ZNF678: variants seen among roughly 807,000 people sequenced by gnomAD.
ZNF678 encodes the protein zinc finger protein 678.
ZNF678 carries 5 observed loss-of-function variants against 3.0 expected under a neutral mutation model. The observed-to-expected ratio is 1.69, with a 90% CI of 0.88 to 3.56. The LOEUF (loss-of-function observed/expected upper bound fraction) is 3.56, where lower values mean the gene tolerates loss of function less well. Among genes scored for constraint, ZNF678 ranks in the 30% most tolerant of loss-of-function variants. ZNF678 has a pLI of 0.00. For synonymous variants in ZNF678, 218 were observed against 199.6 expected (o/e 1.09, Z -0.78); for missense variants, 593 against 605.0 (o/e 0.98, Z 0.21).
At chr1:227,598,017 G>C (rs550979021) in intron 1 of ZNF678, among the ~76,000 whole-genome samples, 10 of 152,204 alleles carry the variant, frequency 6.6e-5, no homozygotes, top group Admixed American at 1.3e-4. Context: ...CAGAGTAAGG[G>C]TTTTGAAATA....
intron 1 of ZNF678, among the ~76,000 whole-genome samples, chr1:227,623,695 A>T (rs565267475): frequency 6.6e-6 from 1 of 152,290 alleles, no homozygotes; most frequent in Non-Finnish European, 1.5e-5. Context: ...CTTTTCCTAT[A>T]TGCTGCATAA....
intron 1 of ZNF678, among the ~76,000 whole-genome samples, chr1:227,610,571 G>A (rs1657991599): frequency 2.6e-5 from 4 of 152,144 alleles, no homozygotes; most frequent in Admixed American, 2.6e-4. Context: ...ACCTGCCAGG[G>A]TCATCATTAA....
chr1:227,660,117 T>C lies in ZNF678; in HGVS notation c.*4289T>C, dbSNP rs1209516744. On this transcript the variant is annotated 3_prime_UTR_variant, in exon 4 of 4. Coordinates refer to ENST00000343776, the MANE Select transcript of ZNF678 (RefSeq NM_001367909.1). ...CCATGAGGTATTCATCTTTCTGTGT[T>C]CTGCTCCATTGGTCTATTTATCTGT... 1 of 152,166 alleles carries C rather than the reference T, an allele frequency of 6.6e-6. No homozygotes were observed. Among genetic ancestry groups the C allele is most frequent in the Non-Finnish European group, 1.5e-5 (1 of 68,020 alleles). The allele number at this position is 152,166 out of a possible 1,614,324, so 9.4% of individuals were successfully genotyped here.
chr1:227,625,308 G>A (rs1003478322), intron 1 of ZNF678, among the ~76,000 whole-genome samples: 1 of 152,156 alleles, frequency 6.6e-6, no homozygotes, highest in East Asian at 1.9e-4. Context: ...CCGAAGTGCT[G>A]TTGGGGAGGT....
chr1:227,576,643 A>G (rs1656993422), intron 1 of ZNF678, among the ~76,000 whole-genome samples: 2 of 151,794 alleles, frequency 1.3e-5, no homozygotes, highest in African/African-American at 4.8e-5. Context: ...TTTTTACTTT[A>G]TTAGGCTAGC....
rs1262291716 is a variant in ZNF678, at chr1:227,655,637, T to A, written c.1387T>A (p.Cys463Ser). The part of the protein sequence containing the change: ...RIHTEEKPYK[C>S]EECGKAFNQF... ...TCATACTGAAGAGAAACCCTACAAA[T>A]GTGAAGAATGTGGCAAAGCCTTTAA... The change falls in exon 4 of 4, where the codon TGT becomes AGT. Residue 463 changes from cysteine to serine, a missense_variant. Transcript: ENST00000343776. The A allele has an allele frequency of 6.2e-7, 1 of 1,612,750 alleles. No homozygotes were observed. The highest frequency in any genetic ancestry group is 1.1e-5 in the South Asian group (1 of 91,052).
chr1:227,665,247 C>A (rs943014118), downstream of ZNF678, among the ~76,000 whole-genome samples: 1 of 152,128 alleles, frequency 6.6e-6, no homozygotes, highest in Admixed American at 6.5e-5. Flanking sequence ...TTCTCTGGGC[C>A]TCATTTTTCA....
chr1:227,584,643 T>C (rs1657211914), intron 1 of ZNF678, among the ~76,000 whole-genome samples: 1 of 152,170 alleles, frequency 6.6e-6, no homozygotes, highest in Non-Finnish European at 1.5e-5. Flanking sequence ...TGCAGTAAGA[T>C]TTTGTAGTTG....
At chr1:227,615,366 T>G (rs920907137) in intron 1 of ZNF678, among the ~76,000 whole-genome samples, 1 of 152,176 alleles carries the variant, frequency 6.6e-6, no homozygotes, top group Non-Finnish European at 1.5e-5. Context: ...TGGAAACACT[T>G]GGTACCTCAG....
chr1:227,583,174 A>G (rs1475703178), intron 1 of ZNF678, among the ~76,000 whole-genome samples: 1 of 152,064 alleles, frequency 6.6e-6, no homozygotes, highest in Non-Finnish European at 1.5e-5. Flanking sequence ...GGTAACCTTT[A>G]CATCTAATAA....
At chr1:227,574,065 G>A (rs1247743926) in intron 1 of ZNF678, among the ~76,000 whole-genome samples, 1 of 152,074 alleles carries the variant, frequency 6.6e-6, no homozygotes. Flanking sequence ...TCTTTATTCA[G>A]GCTATTATTG....
At chr1:227,668,298 G>A (rs1247262454) in intron 5 of ZNF678, among the ~76,000 whole-genome samples, 17 of 152,176 alleles carry the variant, frequency 1.1e-4, no homozygotes, top group Admixed American at 1.1e-3. Flanking sequence ...ACATAATTCA[G>A]CCAAGTTGAA....
At chr1:227,578,246 G>C (rs1657036137) in intron 1 of ZNF678, among the ~76,000 whole-genome samples, 1 of 152,098 alleles carries the variant, frequency 6.6e-6, no homozygotes, top group Admixed American at 6.5e-5. Context: ...GTGTCTTACT[G>C]GTGCGTTCTG....
intron 1 of ZNF678, among the ~76,000 whole-genome samples, chr1:227,635,822 G>T (rs1658664529): frequency 6.6e-6 from 1 of 152,022 alleles, no homozygotes; most frequent in Non-Finnish European, 1.5e-5. Flanking sequence ...CTTGCACCGT[G>T]GGACTGGGCC....
chr1:227,664,142 C>CTGAA (rs1318629933), downstream of ZNF678, among the ~76,000 whole-genome samples: 1 of 152,160 alleles, frequency 6.6e-6, no homozygotes, highest in Non-Finnish European at 1.5e-5. Context: ...CACCACTGCA[C>CTGAA]TTCAGCCTGT....
rs149318610 is a variant in ZNF678, at chr1:227,655,713, G to A, written c.1463G>A (p.Arg488His). 42 of 1,612,294 alleles carry A rather than the reference G, an allele frequency of 2.6e-5. No individual in the cohort carries two copies. In the Middle Eastern group the frequency reaches 5.0e-4, roughly 19 times the overall value. ...AAAAGAATTCATACTGGAGAGAAAC[G>A]CTACAAATGTAAAGAATGTGGAAAA... Reference protein sequence around the residue: ...RHKRIHTGEKRYKCKECGKGF... With the variant: ...RHKRIHTGEKHYKCKECGKGF... The change falls in exon 4 of 4, where the codon CGC becomes CAC. Residue 488 changes from arginine to histidine, a missense_variant. By Grantham distance (29) the Arg-to-His change is conservative. Transcript: ENST00000343776.
chr1:227,599,061 C>A, intron 1 of ZNF678: 7 of 1,595,894 alleles, frequency 4.4e-6, no homozygotes, highest in Non-Finnish European at 6.0e-6. Flanking sequence ...TTCAAATAAT[C>A]CTGTATTGTT....
intron 1 of ZNF678, among the ~76,000 whole-genome samples, chr1:227,610,294 A>G (rs369809109): frequency 3.9e-5 from 6 of 152,336 alleles, no homozygotes; most frequent in African/African-American, 1.4e-4. Context: ...AATAGCAGAG[A>G]ATAATATTTC....
At chr1:227,665,044 C>T (rs1399993986), downstream of ZNF678, among the ~76,000 whole-genome samples, 3 of 152,188 alleles carry the variant, frequency 2.0e-5, no homozygotes, top group African/African-American at 7.2e-5. Context: ...GCCTCCTAAC[C>T]TACCCAATGG....
Sources: gnomAD v4.1 joint callset for allele counts (sites outside exome capture counted in the v4.1 genomes callset) on GRCh38, gnomAD v4.1.1 for gene constraint, MANE v1.5 for transcripts, NCBI Gene and HGNC (gene_info 2026-07-23, HGNC 2026-07-21) for gene names.